CDH11: variants seen among roughly 807,000 people sequenced by gnomAD.
CDH11 encodes the protein cadherin 11.
CDH11 carries 11 observed loss-of-function variants against 67.8 expected under a neutral mutation model. The ratio of observed to expected loss-of-function variants is 0.16; its 90% CI spans 0.10 to 0.27. The LOEUF is 0.27. Ranked by LOEUF, CDH11 falls within the 10% of genes least tolerant of loss-of-function variation. CDH11 has a pLI of 1.00. For synonymous variants in CDH11, 419 were observed against 400.0 expected, an observed-to-expected ratio of 1.05 and a Z score of -0.57; for missense variants, 847 against 1,031.2, an observed-to-expected ratio of 0.82 and a Z score of 2.45.
rs2303767 is a variant in CDH11, at chr16:65,005,027, G to A, written c.-158C>T. 1.0e-4 allele frequency: 136 copies of A among 1,352,420 alleles called. No homozygotes were observed. The highest frequency in any genetic ancestry group is 2.5e-4 in the South Asian group (13 of 52,344). 83.8% of individuals were successfully genotyped at this position (1,352,420 alleles called of 1,614,324 possible). A position where few individuals can be genotyped will look rare whatever the true frequency, so the allele number is the denominator to read the frequency against. ...AGCTCATCACGTCAGGGCTGCCCAC[G>A]TCCCCAGTTAGCTTCTGCAAGCAGA... On this transcript the variant is annotated 5_prime_UTR_variant, in exon 3 of 13. The change creates a new upstream start codon in the 5' untranslated region. Transcript: ENST00000268603.
intron 1 of CDH11, among the ~76,000 whole-genome samples, chr16:65,109,070 G>A (rs941763129): frequency 4.6e-5 from 7 of 152,168 alleles, no homozygotes; most frequent in Admixed American, 2.0e-4. Flanking sequence ...TCGCTTGAAC[G>A]TGGGAGGCAG....
intron 1 of CDH11, among the ~76,000 whole-genome samples, chr16:65,081,114 A>G (rs2074602005): frequency 1.3e-5 from 2 of 152,194 alleles, no homozygotes; most frequent in African/African-American, 4.8e-5. Context: ...CTATATGCAT[A>G]TGTCTGTCTA....
chr16:64,988,163 C>A lies in CDH11; in HGVS notation c.993G>T (p.Leu331=), dbSNP rs2072532655. 1 of 1,606,302 alleles carries A rather than the reference C, an allele frequency of 6.2e-7. No individual in the cohort carries two copies. Among genetic ancestry groups the A allele is most frequent in the Non-Finnish European group, 8.5e-7 (1 of 1,176,064 alleles). ...ATTCCTTACCCTAACTCACCTTTTT[C>A]AGCTTTATCACCCCCTCCTGTGTTT... is the stretch of plus-strand genomic sequence containing the variant. ...DYETQEGVIK[L]KKPVDFETKR... Residue 331 remains leucine (L), a synonymous_variant, in exon 7 of 13, where the codon CTG becomes CTT. Coordinates refer to ENST00000268603, the MANE Select transcript of CDH11 (RefSeq NM_001797.4).
At chr16:65,067,953 A>G in intron 1 of CDH11, among the ~76,000 whole-genome samples, 1 of 102,266 alleles carries the variant, frequency 9.8e-6, no homozygotes, top group Non-Finnish European at 1.9e-5. Flanking sequence ...GGAGGGAGGG[A>G]GGAAGGAAGG....
chr16:65,120,778 C>G (rs2075312300), intron 1 of CDH11, among the ~76,000 whole-genome samples: 1 of 152,208 alleles, frequency 6.6e-6, no homozygotes, highest in African/African-American at 2.4e-5. Context: ...GCGGCGAGCC[C>G]CGGGCGAAAG....
At chr16:64,995,287 C>CAAAAAGAACCA (rs549500217) in intron 4 of CDH11, among the ~76,000 whole-genome samples, 75 of 152,060 alleles carry the variant, frequency 4.9e-4, no homozygotes, top group African/African-American at 1.5e-3. Context: ...ATAGTCAAAG[C>CAAAAAGAACCA]AATCCTAAGC....
chr16:64,977,483 T>G (rs1310660251), intron 8 of CDH11, among the ~76,000 whole-genome samples: 3 of 152,226 alleles, frequency 2.0e-5, no homozygotes, highest in Non-Finnish European at 4.4e-5. Flanking sequence ...AAGTTTCTAA[T>G]GCACCTCGAT....
chr16:65,082,049 A>T (rs943355327), intron 1 of CDH11, among the ~76,000 whole-genome samples: 1 of 152,140 alleles, frequency 6.6e-6, no homozygotes, highest in African/African-American at 2.4e-5. Context: ...TCATCTTCCC[A>T]TCTGAATGAA....
intron 1 of CDH11, among the ~76,000 whole-genome samples, chr16:65,105,242 G>A (rs2075048933): frequency 6.6e-6 from 1 of 152,176 alleles, no homozygotes; most frequent in East Asian, 1.9e-4. Context: ...TTTAGTGTTT[G>A]TGTTTTTGTG....
At chr16:65,049,945 A>G (rs541155193) in intron 2 of CDH11, among the ~76,000 whole-genome samples, 1 of 152,182 alleles carries the variant, frequency 6.6e-6, no homozygotes. Context: ...TGTCAGGGAC[A>G]ATGCAGAGCC....
intron 11 of CDH11, among the ~76,000 whole-genome samples, chr16:64,964,588 A>G (rs2071758960): frequency 6.6e-6 from 1 of 151,848 alleles, no homozygotes; most frequent in South Asian, 2.1e-4. Context: ...TTGCTCTGTC[A>G]CCCAGGCTGG....
intron 2 of CDH11, among the ~76,000 whole-genome samples, chr16:65,010,158 G>A (rs1266830275): frequency 6.6e-6 from 1 of 152,146 alleles, no homozygotes; most frequent in Non-Finnish European, 1.5e-5. Context: ...TATAGTTAGA[G>A]ACAGGTTATT....
chr16:64,995,907 A>C (rs1262518417), intron 4 of CDH11, among the ~76,000 whole-genome samples: 2 of 152,220 alleles, frequency 1.3e-5, no homozygotes, highest in Admixed American at 1.3e-4. Flanking sequence ...CAAGTAAAAA[A>C]ACAATGTGGG....
intron 1 of CDH11, among the ~76,000 whole-genome samples, chr16:65,062,251 G>T (rs2074245382): frequency 6.6e-6 from 1 of 152,170 alleles, no homozygotes; most frequent in South Asian, 2.1e-4. Flanking sequence ...GCCTGAGACA[G>T]TCTCTTACAT....
chr16:65,021,681 G>A (rs990355387), intron 2 of CDH11, among the ~76,000 whole-genome samples: 6 of 149,822 alleles, frequency 4.0e-5, no homozygotes, highest in East Asian at 2.0e-4. Context: ...CCAGACTCTA[G>A]GCAGGACAAA....
At chr16:65,033,551 A>G (rs991596714) in intron 2 of CDH11, among the ~76,000 whole-genome samples, 2 of 151,998 alleles carry the variant, frequency 1.3e-5, no homozygotes, top group African/African-American at 4.8e-5. Flanking sequence ...ATCCTGGCCA[A>G]TATGGAAAAA....
At chr16:64,969,098 G>A (rs1370364684) in intron 11 of CDH11, among the ~76,000 whole-genome samples, 1 of 152,118 alleles carries the variant, frequency 6.6e-6, no homozygotes, top group Non-Finnish European at 1.5e-5. Flanking sequence ...GAGATGAATT[G>A]TTCAGTAAAT....
chr16:65,093,280 T>C (rs1034665924), intron 1 of CDH11, among the ~76,000 whole-genome samples: 1 of 150,588 alleles, frequency 6.6e-6, no homozygotes, highest in Non-Finnish European at 1.5e-5. Context: ...CCCTGGATGC[T>C]GTACCTGTTC....
intron 1 of CDH11, among the ~76,000 whole-genome samples, chr16:65,071,119 G>A (rs1435442606): frequency 1.3e-5 from 2 of 152,186 alleles, no homozygotes; most frequent in Non-Finnish European, 2.9e-5. Flanking sequence ...CAGAAGAGTG[G>A]CCACAGAGCT....
Sources: allele counts gnomAD v4.1 joint callset (sites outside exome capture counted in the v4.1 genomes callset), GRCh38; gene constraint gnomAD v4.1.1; transcripts MANE v1.5; gene names NCBI Gene and HGNC (gene_info 2026-07-23, HGNC 2026-07-21).